The following PAX7 variants were observed in gnomAD, a reference collection of about 807,000 sequenced individuals.
PAX7 encodes paired box protein Pax-7.
Under a neutral mutation model 50.7 loss-of-function variants are expected in PAX7, and 18 were observed. That is an observed-to-expected ratio of 0.36 (90% CI 0.25 to 0.53). The LOEUF is 0.53. Among genes scored for constraint, PAX7 ranks in the 20% least tolerant of loss-of-function variants. PAX7 has a pLI of 0.93. For synonymous variants in PAX7, 310 were observed against 290.4 expected, an observed-to-expected ratio of 1.07 and a Z score of -0.69; for missense variants, 644 against 702.9, an observed-to-expected ratio of 0.92 and a Z score of 0.95.
rs1038119035 is a variant in PAX7, at chr1:18,703,146, C to G, written c.1005C>G (p.His335Gln). 3.1e-6 allele frequency: 5 copies of G among 1,613,870 alleles called. No homozygotes were observed. Among genetic ancestry groups the G allele is most frequent in the Non-Finnish European group, 4.2e-6 (5 of 1,179,996 alleles). Reference sequence around the variant, plus strand: ...AGCCCCTGCCACCGTCCACCATGCACCAGGGCGGGCTGGCTGCAGCGGCTG... The same window carrying G: ...AGCCCCTGCCACCGTCCACCATGCAGCAGGGCGGGCTGGCTGCAGCGGCTG... ...RPQPLPPSTMHQGGLAAAAAA... is the reference protein window; with the variant it reads ...RPQPLPPSTMQQGGLAAAAAA... The change falls in exon 7 of 9, where the codon CAC (histidine) becomes CAG (glutamine). Residue 335 changes from histidine to glutamine, a missense_variant. By Grantham distance (24) the His-to-Gln change is conservative (BLOSUM62 0). Transcript: ENST00000420770.
At chr1:18,696,067 T>TTC (rs1553139520) in intron 5 of PAX7, among the ~76,000 whole-genome samples, 1 of 108,732 alleles carries the variant, frequency 9.2e-6, no homozygotes, top group African/African-American at 3.9e-5. Context: ...TTTCTTTTCT[T>TTC]TTTTTTTTTT....
intron 4 of PAX7, among the ~76,000 whole-genome samples, chr1:18,663,087 G>T (rs892999942): frequency 1.3e-5 from 2 of 152,208 alleles, no homozygotes; most frequent in African/African-American, 4.8e-5. Context: ...GACAAAGTGG[G>T]ATTGTGCAAC....
intron 7 of PAX7, among the ~76,000 whole-genome samples, chr1:18,717,284 G>A (rs1172535820): frequency 1.3e-5 from 2 of 152,196 alleles, no homozygotes; most frequent in Non-Finnish European, 2.9e-5. Flanking sequence ...TCTTGGTCGC[G>A]GGGCCTCGGC....
At chr1:18,667,391 AAAGGAAGGAAGGAAGGAAGG>A (rs3080496) in intron 4 of PAX7, among the ~76,000 whole-genome samples, 139 of 113,450 alleles carry the variant, frequency 1.2e-3, no homozygotes, top group Middle Eastern at 4.2e-3. Context: ...AAGGAAGGAG[AAAGGAAGGAAGGAAGGAAGG>A]AAGGAAGGAA....
At chr1:18,633,339 G>T (rs946434571) in intron 1 of PAX7, among the ~76,000 whole-genome samples, 1 of 151,974 alleles carries the variant, frequency 6.6e-6, no homozygotes, top group African/African-American at 2.4e-5. Context: ...TAGTGCGCTG[G>T]GTGTCCCCCC....
At chr1:18,688,473 G>A (rs755506429) in intron 4 of PAX7, among the ~76,000 whole-genome samples, 7 of 152,212 alleles carry the variant, frequency 4.6e-5, no homozygotes, top group Non-Finnish European at 8.8e-5. Context: ...GTTGCAGTAG[G>A]GAAGTTTCAG....
chr1:18,742,091 C>CTGTAAA, intron 8 of PAX7, among the ~76,000 whole-genome samples: 1 of 151,346 alleles, frequency 6.6e-6, no homozygotes, highest in East Asian at 1.9e-4. Context: ...AACAAGCTCT[C>CTGTAAA]TGTAAACCCT....
chr1:18,635,424 AT>A (rs925390927), intron 3 of PAX7, among the ~76,000 whole-genome samples, 184 bp downstream of exon 3: 7 of 151,944 alleles, frequency 4.6e-5, no homozygotes, highest in African/African-American at 1.7e-4. Flanking sequence ...ACAGAATGGA[AT>A]AAGATGGAAA....
At chr1:18,713,009 G>A (rs918555319) in intron 7 of PAX7, among the ~76,000 whole-genome samples, 1 of 152,154 alleles carries the variant, frequency 6.6e-6, no homozygotes, top group African/African-American at 2.4e-5. Context: ...TTGAATCCAG[G>A]AGGCGGAGGT....
rs2088120894 is a variant in PAX7 at position 18,634,891 on chromosome 1, C to T, written c.322-220C>T. ...TAATTAGAGTTTTTTATTGCCTATC[C>T]ATGTCCCACCCCACCCCACCTGGCC... is the stretch of plus-strand genomic sequence containing the variant. On this transcript the variant is annotated intron_variant, in intron 2 of 8. Coordinates refer to ENST00000420770, the MANE Select transcript of PAX7 (RefSeq NM_001135254.2). This position sits in a 1 kb window ranked among gnomAD's most constrained non-coding sequence, Gnocchi z 4.0. Among the ~76,000 whole-genome samples, 1 of 152,054 alleles carries T rather than the reference C, an allele frequency of 6.6e-6. No homozygotes were observed. The highest frequency in any genetic ancestry group is 6.5e-5 in the Admixed American group (1 of 15,272).
chr1:18,634,200 G>A lies in PAX7; in HGVS notation c.86-103G>A. ...CACCGGGATTGCTGTCTGAGGTCTT[G>A]GGGCTCAAACAAACAAAACTGGAGT... On this transcript the variant is annotated intron_variant, in intron 1 of 8. Transcript: ENST00000420770. The surrounding 1 kb of genome is among the most constrained non-coding windows in gnomAD (Gnocchi z 4.0). The A allele has an allele frequency of 4.6e-6, 4 of 878,926 alleles. No homozygotes were observed. Among genetic ancestry groups the A allele is most frequent in the Non-Finnish European group, 5.3e-6 (3 of 563,606 alleles). 54.4% of individuals were successfully genotyped at this position (878,926 alleles called of 1,614,324 possible). A position where few individuals can be genotyped will look rare whatever the true frequency, so the allele number is the denominator to read the frequency against.
At chr1:18,673,276 C>T (rs929423390) in intron 4 of PAX7, among the ~76,000 whole-genome samples, 4 of 152,212 alleles carry the variant, frequency 2.6e-5, no homozygotes, top group Non-Finnish European at 5.9e-5. Context: ...TAGTACCTGG[C>T]ATAAGGCAAG....
At chr1:18,633,013 A>G (rs976028365) in intron 1 of PAX7, among the ~76,000 whole-genome samples, 9 of 152,334 alleles carry the variant, frequency 5.9e-5, no homozygotes, top group African/African-American at 2.2e-4. Context: ...GCTCTTGAAT[A>G]TAAAGTTGGG....
At chr1:18,670,167 G>T (rs1242988349) in intron 4 of PAX7, among the ~76,000 whole-genome samples, 1 of 151,812 alleles carries the variant, frequency 6.6e-6, no homozygotes, top group Non-Finnish European at 1.5e-5. Flanking sequence ...CACTGATGAG[G>T]ATTTCTCTGC....
Position 18,631,181 on chromosome 1 carries a change from C to T in PAX7, c.-423C>T, listed in dbSNP as rs1017251803. 3 of 236,736 alleles carry T rather than the reference C, an allele frequency of 1.3e-5. No individual in the cohort carries two copies. The highest frequency in any genetic ancestry group is 2.2e-5 in the African/African-American group (1 of 45,330). The allele number at this position is 236,736 out of a possible 1,614,324, so 14.7% of individuals were successfully genotyped here. A position where few individuals can be genotyped will look rare whatever the true frequency, so the allele number is the denominator to read the frequency against. On this transcript the variant is annotated 5_prime_UTR_variant, in exon 1 of 9. Coordinates refer to ENST00000420770, the MANE Select transcript of PAX7 (RefSeq NM_001135254.2). The stretch of plus-strand genomic sequence containing the variant: ...GCGCCAGAGCGCCAGAGCGCGAGAG[C>T]GCGGCGCTCGCCACTCTGAGGCTGG...
rs1042762101 is a variant in PAX7, at chr1:18,726,375, A to G, written c.1156-9257A>G. 1.3e-5 allele frequency among the ~76,000 whole-genome samples: 2 copies of G among 152,236 alleles called. No individual in the cohort carries two copies. The highest frequency in any genetic ancestry group is 4.8e-5 in the African/African-American group (2 of 41,460). The stretch of plus-strand genomic sequence containing the variant: ...CTTTTCCTCCAACCAACTCTGTGCT[A>G]GATCCTGTGCTCAGGATAAAAAGAT... On this transcript the variant is annotated intron_variant, in intron 7 of 8. Coordinates refer to ENST00000420770, the MANE Select transcript of PAX7 (RefSeq NM_001135254.2). This position sits in a 1 kb window ranked among gnomAD's most constrained non-coding sequence, Gnocchi z 4.8.
intron 8 of PAX7, among the ~76,000 whole-genome samples, chr1:18,736,371 A>T (rs1930641134): frequency 6.6e-6 from 1 of 151,796 alleles, no homozygotes; most frequent in Non-Finnish European, 1.5e-5. Context: ...TAGGTGAGGC[A>T]CAAGAATCAC....
intron 4 of PAX7, among the ~76,000 whole-genome samples, chr1:18,645,743 A>G (rs1207357762): frequency 1.7e-5 from 2 of 120,390 alleles, no homozygotes; most frequent in African/African-American, 6.1e-5. Context: ...AACTTGCCTT[A>G]AGTCTGCTCT....
At chr1:18,738,351 G>GC (rs959264860) in intron 8 of PAX7, among the ~76,000 whole-genome samples, 1 of 152,178 alleles carries the variant, frequency 6.6e-6, no homozygotes, top group Admixed American at 6.5e-5. Context: ...CCTGGGGCAG[G>GC]CGTTAGTCAC....
Sources: allele counts gnomAD v4.1 joint callset (sites outside exome capture counted in the v4.1 genomes callset), GRCh38; gene constraint gnomAD v4.1.1; non-coding constraint Gnocchi (gnomAD v3.1); transcripts MANE v1.5; gene names NCBI Gene and HGNC (gene_info 2026-07-23, HGNC 2026-07-21).